The following GPC5 variants were observed in gnomAD, a reference collection of about 807,000 sequenced individuals.
GPC5 encodes the protein glypican-5.
In GPC5, 47 loss-of-function variants were observed where a neutral mutation model predicts 53.9. The observed-to-expected ratio is 0.87, with a 90% CI of 0.69 to 1.11. GPC5 has a LOEUF of 1.11. Ranked by LOEUF, GPC5 falls within the 50% of genes most tolerant of loss-of-function variation. The pLI is 0.00. For synonymous variants in GPC5, 286 were observed against 263.3 expected, an observed-to-expected ratio of 1.09 and a Z score of -0.84; for missense variants, 748 against 713.1, an observed-to-expected ratio of 1.05 and a Z score of -0.56.
intron 2 of GPC5, among the ~76,000 whole-genome samples, chr13:91,614,328 A>G (rs2033638223): frequency 6.6e-6 from 1 of 152,024 alleles, no homozygotes; most frequent in Non-Finnish European, 1.5e-5. Context: ...AGAATTTCCA[A>G]TTTCCTTTTT....
chr13:91,848,463 C>G (rs2038876352), intron 5 of GPC5, among the ~76,000 whole-genome samples: 2 of 152,064 alleles, frequency 1.3e-5, no homozygotes, highest in Admixed American at 1.3e-4. Context: ...ATAGACATAC[C>G]TATGGGAATA....
chr13:92,567,080 T>G (rs1882886200), intron 7 of GPC5, among the ~76,000 whole-genome samples: 1 of 152,102 alleles, frequency 6.6e-6, no homozygotes, highest in African/African-American at 2.4e-5. Flanking sequence ...CTTGGCTGCT[T>G]CTTGTTTGAA....
At chr13:92,385,684 CATATATACCT>C (rs1216997155) in intron 7 of GPC5, among the ~76,000 whole-genome samples, 1 of 141,336 alleles carries the variant, frequency 7.1e-6, no homozygotes, top group Non-Finnish European at 1.5e-5. Context: ...TATATACACA[CATATATACCT>C]ATATACACAT....
intron 7 of GPC5, among the ~76,000 whole-genome samples, chr13:92,691,182 A>T (rs1306582280): frequency 4.0e-5 from 4 of 100,992 alleles, no homozygotes; most frequent in Non-Finnish European, 7.6e-5. Flanking sequence ...GCCGCCTTGC[A>T]GTTTGATCTC....
intron 5 of GPC5, among the ~76,000 whole-genome samples, chr13:91,766,658 C>T (rs754886466): frequency 1.7e-4 from 26 of 152,204 alleles, no homozygotes; most frequent in Non-Finnish European, 3.1e-4. Context: ...GTCAGGAGTT[C>T]GAGACCAGCC....
chr13:91,485,743 T>C lies in GPC5; in HGVS notation c.325+36821T>C, dbSNP rs1198870320. On this transcript the variant is annotated intron_variant, in intron 2 of 7. Coordinates refer to ENST00000377067, the MANE Select transcript of GPC5 (RefSeq NM_004466.6). ...GGATGGTCACCCAGGAAAACACTGATTCCAAATGAAAATAGGGTCAGCATT... is the reference window on the plus strand; with the variant it reads ...GGATGGTCACCCAGGAAAACACTGACTCCAAATGAAAATAGGGTCAGCATT... 3.9e-5 allele frequency: 6 copies of C among 152,314 alleles called. No homozygotes were observed. The East Asian group carries it at 1.2e-3, about 29-fold the overall frequency. The allele number at this position is 152,314 out of a possible 1,614,324, so 9.4% of individuals were successfully genotyped here.
chr13:91,424,103 A>G (rs1878834533), intron 1 of GPC5, among the ~76,000 whole-genome samples: 2 of 152,200 alleles, frequency 1.3e-5, no homozygotes, highest in South Asian at 4.1e-4. Context: ...TCTAAATCAT[A>G]AATCTGATGT....
intron 7 of GPC5, among the ~76,000 whole-genome samples, chr13:92,520,346 A>G (rs1238547339): frequency 6.6e-6 from 1 of 152,202 alleles, no homozygotes; most frequent in Non-Finnish European, 1.5e-5. Flanking sequence ...TTTTAGACCA[A>G]TATCCCTGAT....
intron 3 of GPC5, among the ~76,000 whole-genome samples, chr13:91,717,629 T>C (rs2036367486): frequency 6.6e-6 from 1 of 152,024 alleles, no homozygotes; most frequent in Non-Finnish European, 1.5e-5. Flanking sequence ...GGATCTTGGC[T>C]CACTGCAACC....
chr13:91,572,123 G>A (rs1428285531), intron 2 of GPC5, among the ~76,000 whole-genome samples: 6 of 135,344 alleles, frequency 4.4e-5, no homozygotes, highest in South Asian at 2.3e-4. Flanking sequence ...GTATATATAC[G>A]TGTGTATATA....
At chr13:91,552,442 A>G (rs2030696976) in intron 2 of GPC5, among the ~76,000 whole-genome samples, 2 of 152,064 alleles carry the variant, frequency 1.3e-5, no homozygotes, top group Admixed American at 6.6e-5. Context: ...ATATAGAGGT[A>G]TGAAGTGGGA....
At chr13:91,640,919 CAT>C (rs1566574398) in intron 2 of GPC5, among the ~76,000 whole-genome samples, 2 of 152,068 alleles carry the variant, frequency 1.3e-5, no homozygotes, top group African/African-American at 4.8e-5. Flanking sequence ...AAATGTGGTG[CAT>C]ATACACCAAG....
chr13:91,809,333 T>C (rs897252854), intron 5 of GPC5, among the ~76,000 whole-genome samples: 1 of 152,186 alleles, frequency 6.6e-6, no homozygotes, highest in African/African-American at 2.4e-5. Flanking sequence ...TGCAGAAGTT[T>C]CCAGTGACAG....
At chr13:92,374,868 A>T (rs567359796) in intron 7 of GPC5, among the ~76,000 whole-genome samples, 3 of 142,888 alleles carry the variant, frequency 2.1e-5, no homozygotes, top group Non-Finnish European at 3.0e-5. Flanking sequence ...AAAAAAAAAT[A>T]GAAAAAAAAA....
intron 7 of GPC5, among the ~76,000 whole-genome samples, chr13:92,398,957 A>C (rs1875427321): frequency 6.6e-6 from 1 of 152,026 alleles, no homozygotes; most frequent in African/African-American, 2.4e-5. Flanking sequence ...CTACACTCCC[A>C]GTAGCCTCTC....
chr13:91,637,540 G>C (rs758645169), intron 2 of GPC5, among the ~76,000 whole-genome samples: 5 of 152,148 alleles, frequency 3.3e-5, no homozygotes, highest in Non-Finnish European at 7.4e-5. Context: ...CATATTTCTG[G>C]AAAGAACAAG....
At chr13:91,691,954 C>G (rs930615375) in intron 2 of GPC5, among the ~76,000 whole-genome samples, 2 of 152,084 alleles carry the variant, frequency 1.3e-5, no homozygotes, top group African/African-American at 4.8e-5. Context: ...TATATTGAAA[C>G]AGTCCAGTAT....
intron 2 of GPC5, among the ~76,000 whole-genome samples, chr13:91,581,714 T>G (rs908282473): frequency 1.3e-4 from 20 of 152,190 alleles, no homozygotes; most frequent in Non-Finnish European, 1.5e-5. Flanking sequence ...ATGCAGGGTT[T>G]TAACATTTAA....
At chr13:92,834,931 T>G (rs1878173626) in intron 7 of GPC5, among the ~76,000 whole-genome samples, 1 of 152,078 alleles carries the variant, frequency 6.6e-6, no homozygotes, top group Non-Finnish European at 1.5e-5. Flanking sequence ...GATTTTTAAA[T>G]CAACTGTATT....
Sources: allele counts gnomAD v4.1 joint callset (sites outside exome capture counted in the v4.1 genomes callset), GRCh38; gene constraint gnomAD v4.1.1; transcripts MANE v1.5; gene names NCBI Gene and HGNC (gene_info 2026-07-23, HGNC 2026-07-21).